PGAP4: variants seen among roughly 807,000 people sequenced by gnomAD.
The protein encoded by PGAP4 is GPI-N-acetylgalactosamine transferase PGAP4.
PGAP4 carries 12 observed loss-of-function variants against 28.2 expected under a neutral mutation model. The ratio of observed to expected loss-of-function variants is 0.42; its 90% CI spans 0.27 to 0.69. The LOEUF (loss-of-function observed/expected upper bound fraction) is 0.69. PGAP4 is among the 30% of genes least tolerant of loss of function. The pLI is 0.22. For synonymous variants in PGAP4, 205 were observed against 211.8 expected, an observed-to-expected ratio of 0.97 and a Z score of 0.28; for missense variants, 425 against 513.5, an observed-to-expected ratio of 0.83 and a Z score of 1.67.
chr9:101,513,077 A>G (rs1384452703), intron 2 of PGAP4, among the ~76,000 whole-genome samples: 1 of 152,162 alleles, frequency 6.6e-6, no homozygotes, highest in African/African-American at 2.4e-5. Context: ...ATCTTTTTTT[A>G]TAAGAAATTT....
At chr9:101,510,750 G>C (rs576770657) in intron 2 of PGAP4, among the ~76,000 whole-genome samples, 1 of 152,100 alleles carries the variant, frequency 6.6e-6, no homozygotes, top group Non-Finnish European at 1.5e-5. Flanking sequence ...TACACAATGC[G>C]GGAAAGAGTC....
At chr9:101,515,479 C>A (rs1826935975) in intron 2 of PGAP4, among the ~76,000 whole-genome samples, 1 of 152,110 alleles carries the variant, frequency 6.6e-6, no homozygotes, top group African/African-American at 2.4e-5. Context: ...TTATATCCAG[C>A]AAACTGTTAT....
intron 2 of PGAP4, among the ~76,000 whole-genome samples, chr9:101,504,223 T>G (rs1174972882): frequency 1.2e-4 from 17 of 141,576 alleles, no homozygotes; most frequent in African/African-American, 3.9e-4. Context: ...TTTTTTTTTT[T>G]TTTTTTTTTT....
Position 101,477,104 on chromosome 9 carries a change from T to C in PGAP4, c.-12A>G. The C allele has an allele frequency of 6.4e-7, 1 of 1,551,660 alleles. No individual in the cohort carries two copies. Among genetic ancestry groups the C allele is most frequent in the South Asian group, 1.3e-5 (1 of 79,502 alleles). On this transcript the variant is annotated 5_prime_UTR_variant, in exon 2 of 2. Coordinates refer to ENST00000374848, the MANE Select transcript of PGAP4 (RefSeq NM_032342.3). ...GTTGAAGTGCTCATGAGGTCAACTT[T>C]TGTTCATGTCTGGTCCCAAGAAAAA...
At chr9:101,527,150 A>G (rs928208512) in intron 2 of PGAP4, among the ~76,000 whole-genome samples, 4 of 152,228 alleles carry the variant, frequency 2.6e-5, no homozygotes, top group African/African-American at 9.6e-5. Flanking sequence ...AGGGTTGACG[A>G]GGATGGCAGC....
rs1826311859 is a variant in PGAP4, at chr9:101,476,423, A to C, written c.670T>G (p.Leu224Val). The C allele has an allele frequency of 2.5e-6, 4 of 1,614,180 alleles. No individual in the cohort carries two copies. Among genetic ancestry groups the C allele is most frequent in the Non-Finnish European group, 3.4e-6 (4 of 1,180,040 alleles). ...AVPEEQIFPV[L>V]EHLLRARFSE... ...AAGCGAGCCCGCAGAAGGTGCTCCA[A>C]GACTGGGAAGATCTGCTCTTCTGGT... Residue 224 changes from leucine to valine, a missense_variant, in exon 2 of 2, where the codon TTG (leucine) becomes GTG (valine). Coordinates refer to ENST00000374848, the MANE Select transcript of PGAP4 (RefSeq NM_032342.3). The surrounding 1 kb of genome is among the most constrained non-coding windows in gnomAD (Gnocchi z 7.0).
At chr9:101,523,052 C>A (rs913491868) in intron 2 of PGAP4, among the ~76,000 whole-genome samples, 2 of 152,148 alleles carry the variant, frequency 1.3e-5, no homozygotes, top group Non-Finnish European at 2.9e-5. Flanking sequence ...GAAGATAGGA[C>A]CCCAGACCCT....
chr9:101,500,395 C>T (rs1461255901), intron 2 of PGAP4, among the ~76,000 whole-genome samples: 1 of 151,980 alleles, frequency 6.6e-6, no homozygotes, highest in East Asian at 1.9e-4. Flanking sequence ...CATACATCAC[C>T]ACATCTGTGA....
chr9:101,527,325 C>A (rs1314256106), intron 2 of PGAP4, among the ~76,000 whole-genome samples: 1 of 152,178 alleles, frequency 6.6e-6, no homozygotes, highest in Non-Finnish European at 1.5e-5. Flanking sequence ...TTTGTGGATT[C>A]CTGGCCGTAT....
upstream of PGAP4, among the ~76,000 whole-genome samples, chr9:101,491,812 G>GATAT (rs58209077): frequency 0.097 from 10,270 of 105,352 alleles, 641 homozygotes; most frequent in Non-Finnish European, 0.11. Flanking sequence ...AATCTTAAAG[G>GATAT]ATATATATAT....
At chr9:101,491,812 G>GAT (rs58209077), upstream of PGAP4, among the ~76,000 whole-genome samples, 14,423 of 105,228 alleles carry the variant, frequency 0.14, 939 homozygotes, top group Non-Finnish European at 0.15. Context: ...AATCTTAAAG[G>GAT]ATATATATAT....
At chr9:101,505,137 C>T (rs1826839485) in intron 2 of PGAP4, among the ~76,000 whole-genome samples, 1 of 152,108 alleles carries the variant, frequency 6.6e-6, no homozygotes, top group African/African-American at 2.4e-5. Context: ...GGACTGAGTA[C>T]TCCACTTTGC....
In PGAP4 at chr9:101,503,140, T is replaced by C. The variant is rs76944956; in HGVS notation, c.-164-13940A>G. Among the ~76,000 whole-genome samples, 733 of 152,116 alleles carry C rather than the reference T, an allele frequency of 4.8e-3. 6 individuals are homozygous for C. The highest frequency in any genetic ancestry group is 0.015 in the African/African-American group (636 of 41,520). ...TATAAGCTGAAGTAGTTGGGTGAGTTTTGCAGGAAAGCTTCTCCTGCTGTC... is the reference window on the plus strand; with the variant it reads ...TATAAGCTGAAGTAGTTGGGTGAGTCTTGCAGGAAAGCTTCTCCTGCTGTC... On this transcript the variant is annotated intron_variant, in intron 2 of 3. Coordinates refer to the PGAP4 transcript ENST00000374851.
chr9:101,520,672 GT>G (rs1715640945), intron 2 of PGAP4, among the ~76,000 whole-genome samples: 1 of 152,168 alleles, frequency 6.6e-6, no homozygotes, highest in Admixed American at 6.5e-5. Flanking sequence ...AACAGTGACA[GT>G]TTGACTTCCT....
At chr9:101,524,943 G>A (rs915840226) in intron 2 of PGAP4, among the ~76,000 whole-genome samples, 6 of 152,162 alleles carry the variant, frequency 3.9e-5, no homozygotes, top group Non-Finnish European at 7.4e-5. Flanking sequence ...GCTCCCACAC[G>A]CTGCTCTGTC....
intron 2 of PGAP4, among the ~76,000 whole-genome samples, chr9:101,516,785 G>A (rs569789444): frequency 2.6e-5 from 4 of 152,172 alleles, no homozygotes; most frequent in Admixed American, 2.6e-4. Flanking sequence ...ATCTTTGTTA[G>A]CCAGTTCCTT....
At chr9:101,494,029 A>G (rs573599004) in intron 2 of PGAP4, among the ~76,000 whole-genome samples, 1 of 152,166 alleles carries the variant, frequency 6.6e-6, no homozygotes, top group East Asian at 1.9e-4. Context: ...ATCGTATAAG[A>G]ATTTTAGATT....
intron 2 of PGAP4, among the ~76,000 whole-genome samples, chr9:101,523,403 T>C (rs1282905147): frequency 1.3e-5 from 2 of 151,858 alleles, no homozygotes; most frequent in African/African-American, 4.8e-5. Context: ...TGTTCATATT[T>C]TTCTTTTTTC....
intron 1 of PGAP4, among the ~76,000 whole-genome samples, chr9:101,482,330 C>T (rs1826513858): frequency 1.3e-5 from 2 of 152,150 alleles, no homozygotes; most frequent in Admixed American, 6.5e-5. Context: ...CCTGTAATCC[C>T]AGCTACTCAG....
Sources: allele counts gnomAD v4.1 joint callset (sites outside exome capture counted in the v4.1 genomes callset), GRCh38; gene constraint gnomAD v4.1.1; non-coding constraint Gnocchi (gnomAD v3.1); transcripts MANE v1.5; gene names NCBI Gene and HGNC (gene_info 2026-07-23, HGNC 2026-07-21).